ATRN: variants seen among roughly 807,000 people sequenced by gnomAD.
ATRN encodes attractin-2.
In ATRN, 54 loss-of-function variants were observed where a neutral mutation model predicts 178.7. The ratio of observed to expected loss-of-function variants is 0.30; its 90% CI spans 0.24 to 0.38. The LOEUF is 0.38. Ranked by LOEUF, ATRN falls within the 10% of genes least tolerant of loss-of-function variation. The pLI is 1.00. For missense variants in ATRN, 1,443 were observed against 1,815.1 expected (o/e 0.79, Z 3.73); for synonymous variants, 636 against 663.0 (o/e 0.96, Z 0.63).
intron 24 of ATRN, among the ~76,000 whole-genome samples, chr20:3,610,518 C>T (rs1378548272): frequency 6.6e-6 from 1 of 151,384 alleles, no homozygotes; most frequent in Non-Finnish European, 1.5e-5. Context: ...CCTCAGCCTC[C>T]TGAATAACTG....
At chr20:3,560,973 G>C in intron 8 of ATRN, 68 bp downstream of exon 8, 1 of 1,556,696 alleles carries the variant, frequency 6.4e-7, no homozygotes, top group East Asian at 2.3e-5. Flanking sequence ...TTATTATTTT[G>C]ACTGTTTAGA....
intron 25 of ATRN, chr20:3,629,157 A>G: frequency 1.0e-6 from 1 of 985,228 alleles, no homozygotes; most frequent in Non-Finnish European, 1.2e-6. Context: ...CAACCCTAGC[A>G]TCACAGTCTC....
At chr20:3,494,810 C>T (rs967928869) in intron 1 of ATRN, among the ~76,000 whole-genome samples, 1 of 152,174 alleles carries the variant, frequency 6.6e-6, no homozygotes, top group African/African-American at 2.4e-5. Context: ...ATGTAATTAC[C>T]TGTAGGAGTA....
intron 26 of ATRN, among the ~76,000 whole-genome samples, chr20:3,637,939 A>C (rs762737089): frequency 6.6e-6 from 1 of 152,100 alleles, no homozygotes; most frequent in South Asian, 2.1e-4. Context: ...TTCAGTTCCT[A>C]TCTGCCGTAT....
chr20:3,554,422 G>A (rs984858567), intron 6 of ATRN, among the ~76,000 whole-genome samples: 10 of 151,702 alleles, frequency 6.6e-5, no homozygotes, highest in Middle Eastern at 3.4e-3. Context: ...TGCAGGCTCC[G>A]CCTCCCAGGT....
At chr20:3,535,191 A>AT (rs2085509318) in intron 1 of ATRN, 62 bp from the exon 2 acceptor site, 1 of 633,586 alleles carries the variant, frequency 1.6e-6, no homozygotes, top group Non-Finnish European at 2.2e-6. Flanking sequence ...TATATAAAAT[A>AT]TATAAAAATA....
intron 1 of ATRN, among the ~76,000 whole-genome samples, chr20:3,522,257 T>C (rs2085305587): frequency 6.6e-6 from 1 of 152,226 alleles, no homozygotes; most frequent in Non-Finnish European, 1.5e-5. Flanking sequence ...ATTTGTGGAA[T>C]GCAGCTAAAG....
intron 18 of ATRN, among the ~76,000 whole-genome samples, chr20:3,586,530 G>T (rs2086359822): frequency 1.3e-5 from 2 of 151,914 alleles, no homozygotes; most frequent in Middle Eastern, 3.4e-3. Context: ...AAAAGATTAT[G>T]CATTGCATGA....
chr20:3,594,487 T>G lies in ATRN; in HGVS notation c.3331T>G (p.Cys1111Gly). 6.2e-7 allele frequency: 1 copy of G among 1,608,064 alleles called. No homozygotes were observed. Among genetic ancestry groups the G allele is most frequent in the Non-Finnish European group, 8.5e-7 (1 of 1,175,620 alleles). ...TNGGKCQPCK[C>G]NGHASLCNTN... ...CTTTTTCTTCTCTGCAGCATGCAAG[T>G]GCAATGGGCACGCGTCTCTGTGCAA... Residue 1111 changes from cysteine (C) to glycine (G), a missense_variant, in exon 20 of 29, where the codon TGC (cysteine) becomes GGC (glycine). Physicochemically the swap from Cys to Gly is radical, Grantham distance 159 (BLOSUM62 -3). This residue lies in a region of ATRN where 289 missense variants were observed against 440.8 expected (regional missense o/e 0.66). Coordinates refer to ENST00000262919, the MANE Select transcript of ATRN (RefSeq NM_139321.3).
chr20:3,596,768 T>G (rs2086535245), intron 21 of ATRN, among the ~76,000 whole-genome samples: 1 of 152,128 alleles, frequency 6.6e-6, no homozygotes, highest in Admixed American at 6.5e-5. Flanking sequence ...TGTTTTAGGA[T>G]GTAGATCAAA....
intron 17 of ATRN, among the ~76,000 whole-genome samples, chr20:3,584,289 A>G (rs892024039): frequency 2.6e-5 from 4 of 152,180 alleles, no homozygotes; most frequent in African/African-American, 9.7e-5. Flanking sequence ...CAGTAAATAA[A>G]TGTAAGATAG....
chr20:3,562,444 T>C lies in ATRN; in HGVS notation c.1616T>C (p.Val539Ala). Residue 539 changes from valine (V) to alanine (A), a missense_variant, in exon 9 of 29, where the codon GTG becomes GCG. By Grantham distance (64) the Val-to-Ala change is moderately conservative. Coordinates refer to ENST00000262919, the MANE Select transcript of ATRN (RefSeq NM_139321.3). ...RLADDLYRYD[V>A]DTQMWTILKD... ...GCAGATGATCTCTACCGATATGATG[T>C]GGATACCCAGATGTGGTGGGTACTT... The C allele has an allele frequency of 6.2e-7, 1 of 1,614,066 alleles. No individual in the cohort carries two copies. Among genetic ancestry groups the C allele is most frequent in the South Asian group, 1.1e-5 (1 of 91,038 alleles).
chr20:3,608,979 G>GAAAAA (rs71195846), intron 24 of ATRN, among the ~76,000 whole-genome samples: 1 of 142,078 alleles, frequency 7.0e-6, no homozygotes, highest in Non-Finnish European at 1.5e-5. Context: ...AAAAAAAAAA[G>GAAAAA]AAAAAAAAAA....
At position 3,572,736 on chromosome 20, in the gene ATRN, T is replaced by C. The variant is rs932716332; in HGVS notation, c.1877T>C (p.Met626Thr). Residue 626 changes from methionine (M) to threonine (T), a missense_variant, in exon 12 of 29, where the codon ATG (methionine) becomes ACG (threonine). Physicochemically the swap from Met to Thr is moderately conservative, Grantham distance 81. This residue lies in a region of ATRN where 862 missense variants were observed against 972.1 expected (regional missense o/e 0.89). Coordinates refer to ENST00000262919, the MANE Select transcript of ATRN (RefSeq NM_139321.3). ...CTCTCCCTTTTTCCTCTTAGCACCA[T>C]GTATGTGTTCGGTGGTTTCAATAGT... ...GHSAVLHNST[M>T]YVFGGFNSLL... 1.9e-6 allele frequency: 3 copies of C among 1,613,518 alleles called. No homozygotes were observed. The highest frequency in any genetic ancestry group is 3.3e-4 in the Middle Eastern group (2 of 6,082).
At chr20:3,566,924 A>G (rs1364038457) in intron 11 of ATRN, among the ~76,000 whole-genome samples, 1 of 150,166 alleles carries the variant, frequency 6.7e-6, no homozygotes, top group Non-Finnish European at 1.5e-5. Context: ...AAAAAAAAAA[A>G]GGAAAAGTGA....
intron 1 of ATRN, among the ~76,000 whole-genome samples, chr20:3,473,576 G>A (rs2084464968): frequency 6.6e-6 from 1 of 152,202 alleles, no homozygotes; most frequent in Non-Finnish European, 1.5e-5. Flanking sequence ...TGACATTATA[G>A]GCTTTTAGAT....
intron 26 of ATRN, among the ~76,000 whole-genome samples, chr20:3,634,802 T>G (rs983934728): frequency 1.3e-5 from 2 of 152,230 alleles, no homozygotes; most frequent in Non-Finnish European, 2.9e-5. Context: ...CTCAAAAATT[T>G]TTCATTATTC....
intron 2 of ATRN, 45 bp downstream of exon 2, chr20:3,535,381 A>G (rs2085514879): frequency 3.7e-6 from 4 of 1,094,934 alleles, no homozygotes; most frequent in Non-Finnish European, 5.1e-6. Context: ...TTAGCATAGA[A>G]GTCAGTGTGA....
At chr20:3,562,042 T>C (rs2085959834) in intron 8 of ATRN, among the ~76,000 whole-genome samples, 1 of 152,188 alleles carries the variant, frequency 6.6e-6, no homozygotes, top group Non-Finnish European at 1.5e-5. Flanking sequence ...GTTTTAAATT[T>C]AGTTAATTCT....
Sources: gnomAD v4.1 joint callset for allele counts (sites outside exome capture counted in the v4.1 genomes callset) on GRCh38, gnomAD v4.1.1 for gene constraint, gnomAD v4.1.1 regional missense constraint, MANE v1.5 for transcripts, NCBI Gene and HGNC (gene_info 2026-07-23, HGNC 2026-07-21) for gene names.